ETS1: variants seen among roughly 807,000 people sequenced by gnomAD.
The protein encoded by ETS1 is protein C-ets-1.
Under a neutral mutation model 58.6 loss-of-function variants are expected in ETS1, and 15 were observed. The ratio of observed to expected loss-of-function variants is 0.26; its 90% confidence interval spans 0.17 to 0.39. ETS1 has a LOEUF of 0.39. Among genes scored for constraint, ETS1 ranks in the 10% least tolerant of loss-of-function variants. The pLI, the probability that ETS1 is intolerant of heterozygous loss-of-function variation, is 1.00. For missense variants in ETS1, 417 were observed against 610.5 expected (o/e 0.68, Z 3.34); for synonymous variants, 214 against 218.2 (o/e 0.98, Z 0.17).
At chr11:128,532,092 T>C (rs771565437) in intron 3 of ETS1, among the ~76,000 whole-genome samples, 1 of 152,186 alleles carries the variant, frequency 6.6e-6, no homozygotes, top group Non-Finnish European at 1.5e-5. Flanking sequence ...ACGGTTTAAC[T>C]TGTGCTATAA....
intron 1 of ETS1, among the ~76,000 whole-genome samples, chr11:128,577,692 G>C (rs1864778574): frequency 6.6e-6 from 1 of 152,164 alleles, no homozygotes; most frequent in Non-Finnish European, 1.5e-5. Context: ...GCCTCCTCCT[G>C]TGCTTAGAGA....
Position 128,585,124 on chromosome 11 carries a change from G to GAAGA in ETS1, c.-15+2360_-15+2363dup, listed in dbSNP as rs1555093080. Reference sequence around the variant, plus strand: ...GAAAGGAAGGAAGGAAGGAAAGAAAGAAGAAAGAAAGAAAAGAAAGAAAGA... The same window carrying GAAGA: ...GAAAGGAAGGAAGGAAGGAAAGAAAGAAGAAAGAAAGAAAGAAAAGAAAGAAAGA... On this transcript the variant is annotated intron_variant, in intron 1 of 9. Coordinates refer to ENST00000392668, the MANE Select transcript of ETS1 (RefSeq NM_001143820.2). Among the ~76,000 whole-genome samples, 50 of 6,458 alleles carry GAAGA rather than the reference G, an allele frequency of 7.7e-3. 2 individuals carry two copies. The highest frequency in any genetic ancestry group is 0.011 in the Non-Finnish European group (40 of 3,648). 4.2% of individuals were successfully genotyped at this position (6,458 alleles called of 152,430 possible). A position where few individuals can be genotyped will look rare whatever the true frequency, so the allele number is the denominator to read the frequency against.
intron 3 of ETS1, among the ~76,000 whole-genome samples, chr11:128,502,506 C>T (rs1263750929): frequency 1.3e-5 from 2 of 152,180 alleles, no homozygotes; most frequent in Non-Finnish European, 2.9e-5. Flanking sequence ...TTTAGGAGCA[C>T]TATAAAGGAG....
At chr11:128,529,516 T>A (rs1329353784) in intron 3 of ETS1, among the ~76,000 whole-genome samples, 1 of 152,140 alleles carries the variant, frequency 6.6e-6, no homozygotes, top group Non-Finnish European at 1.5e-5. Flanking sequence ...TAATGGGTAA[T>A]CAAGATGTTG....
At chr11:128,491,884 C>G (rs577279684) in intron 3 of ETS1, among the ~76,000 whole-genome samples, 21 of 152,274 alleles carry the variant, frequency 1.4e-4, no homozygotes, top group African/African-American at 4.8e-4. Context: ...TCATCATTTG[C>G]CACACCCACA....
intron 3 of ETS1, among the ~76,000 whole-genome samples, chr11:128,504,721 T>C (rs1247281379): frequency 6.6e-6 from 1 of 152,220 alleles, no homozygotes; most frequent in Non-Finnish European, 1.5e-5. Flanking sequence ...ATCATTGCTG[T>C]TTACTTACAA....
chr11:128,483,062 G>T (rs1353452505), intron 7 of ETS1, among the ~76,000 whole-genome samples: 1 of 152,148 alleles, frequency 6.6e-6, no homozygotes, highest in African/African-American at 2.4e-5. Context: ...GAATCAATTG[G>T]CCCTTTGCAT....
chr11:128,530,846 A>G (rs1474108971), intron 3 of ETS1, among the ~76,000 whole-genome samples: 121 of 152,242 alleles, frequency 7.9e-4, no homozygotes, highest in Non-Finnish European at 1.6e-4. Context: ...GGGATTCCAC[A>G]GCATTGAGAG....
intron 2 of ETS1, among the ~76,000 whole-genome samples, chr11:128,561,523 T>C (rs7131407): frequency 0.87 from 132,387 of 152,290 alleles, 57,700 homozygotes; most frequent in East Asian, 1. Flanking sequence ...GCACCCCATG[T>C]GGATGCCTCA....
intron 3 of ETS1, among the ~76,000 whole-genome samples, chr11:128,516,740 G>GA (rs1002432283): frequency 1.3e-5 from 2 of 152,124 alleles, no homozygotes; most frequent in African/African-American, 4.8e-5. Flanking sequence ...AATTTTAGGG[G>GA]AAAAAACGAA....
intron 3 of ETS1, among the ~76,000 whole-genome samples, chr11:128,510,619 T>C (rs1005384652): frequency 2.0e-5 from 3 of 152,212 alleles, no homozygotes; most frequent in African/African-American, 7.2e-5. Context: ...CTTTACAAGA[T>C]AAGATTTTCC....
intron 2 of ETS1, among the ~76,000 whole-genome samples, chr11:128,569,105 T>C (rs1591669664): frequency 6.6e-6 from 1 of 152,156 alleles, no homozygotes; most frequent in Non-Finnish European, 1.5e-5. Context: ...TTGTTTGTCA[T>C]AGGAGGCTGT....
intron 3 of ETS1, among the ~76,000 whole-genome samples, chr11:128,499,812 C>T (rs928930501): frequency 3.3e-5 from 5 of 151,900 alleles, no homozygotes; most frequent in East Asian, 1.9e-4. Flanking sequence ...AAACAGGCAT[C>T]GGGAGAGTGG....
At chr11:128,570,520 GTGT>G (rs1864606003) in intron 2 of ETS1, among the ~76,000 whole-genome samples, 2 of 152,032 alleles carry the variant, frequency 1.3e-5, no homozygotes, top group Non-Finnish European at 2.9e-5. Flanking sequence ...AGGATTACAG[GTGT>G]GAGCCACTGA....
intron 3 of ETS1, among the ~76,000 whole-genome samples, chr11:128,551,741 C>T (rs2135553278): frequency 6.6e-6 from 1 of 152,304 alleles, no homozygotes; most frequent in African/African-American, 2.4e-5. Context: ...CACTCTCTGA[C>T]TCAATGAAAC....
At chr11:128,465,881 C>A (rs903342716) in intron 8 of ETS1, among the ~76,000 whole-genome samples, 2 of 152,216 alleles carry the variant, frequency 1.3e-5, no homozygotes, top group African/African-American at 4.8e-5. Context: ...AGAAAACTGA[C>A]ACACTGCAAG....
intron 3 of ETS1, among the ~76,000 whole-genome samples, chr11:128,533,294 AGTGTCAGAGAAG>A (rs1193904520): frequency 3.3e-5 from 5 of 152,206 alleles, no homozygotes; most frequent in African/African-American, 1.2e-4. Context: ...ATTGCAGGAG[AGTGTCAGAGAAG>A]GACTTTTCTG....
At chr11:128,560,364 C>T (rs566504909) in intron 2 of ETS1, among the ~76,000 whole-genome samples, 1 of 152,332 alleles carries the variant, frequency 6.6e-6, no homozygotes, top group African/African-American at 2.4e-5. Flanking sequence ...CAGCCTGCCT[C>T]GGCCTCCCAA....
At position 128,460,086 on chromosome 11, in the gene ETS1, ACACACACACACACAC is replaced by A. The variant is rs1861866777; in HGVS notation, c.*2260_*2274del. ...CATGTCTGCAAACACACACACACAC[ACACACACACACACAC>A]ACACACACACACACAACATTCACAC... is the stretch of plus-strand genomic sequence containing the variant. On this transcript the variant is annotated 3_prime_UTR_variant, in exon 10 of 10. Transcript: ENST00000392668. 7.1e-6 allele frequency: 1 copy of A among 141,404 alleles called. No individual in the cohort carries two copies. The highest frequency in any genetic ancestry group is 2.6e-5 in the African/African-American group (1 of 39,120). 8.8% of individuals were successfully genotyped at this position (141,404 alleles called of 1,614,324 possible). A position where few individuals can be genotyped will look rare whatever the true frequency, so the allele number is the denominator to read the frequency against.
Sources: allele counts gnomAD v4.1 joint callset (sites outside exome capture counted in the v4.1 genomes callset), GRCh38; gene constraint gnomAD v4.1.1; transcripts MANE v1.5; gene names NCBI Gene and HGNC (gene_info 2026-07-23, HGNC 2026-07-21).